SHROOM3: variants seen among roughly 807,000 people sequenced by gnomAD.
SHROOM3 encodes the protein shroom family member 3.
Under a neutral mutation model 138.6 loss-of-function variants are expected in SHROOM3, and 47 were observed. The observed-to-expected ratio is 0.34, with a 90% CI of 0.27 to 0.43. SHROOM3 has a LOEUF of 0.43. Among genes scored for constraint, SHROOM3 ranks in the 20% least tolerant of loss-of-function variants. SHROOM3 has a pLI of 1.00. For synonymous variants in SHROOM3, 1,062 were observed against 1,063.3 expected (o/e 1.00, Z 0.02); for missense variants, 2,491 against 2,596.5 (o/e 0.96, Z 0.88).
intron 2 of SHROOM3, among the ~76,000 whole-genome samples, chr4:76,686,078 G>A (rs1719327455): frequency 6.6e-6 from 1 of 152,064 alleles, no homozygotes; most frequent in East Asian, 1.9e-4. Flanking sequence ...CACAACCCTA[G>A]CTCACTGCAG....
At position 76,737,479 on chromosome 4, in the gene SHROOM3, T is replaced by G. The variant is rs530068169; in HGVS notation, c.588-1282T>G. 2.0e-5 allele frequency among the ~76,000 whole-genome samples: 3 copies of G among 152,196 alleles called. No individual in the cohort carries two copies. In the East Asian group the frequency reaches 5.8e-4, roughly 29 times the overall value. ...ATCACTGGATCTTATGGTAAGAGTA[T>G]GTTTAATTTTGTAAGAAACTGCCAA... On this transcript the variant is annotated intron_variant, in intron 4 of 10. Transcript: ENST00000296043.
chr4:76,741,342 C>A lies in SHROOM3; in HGVS notation c.3169C>A (p.Arg1057=). 6.2e-7 allele frequency: 1 copy of A among 1,610,468 alleles called. No individual in the cohort carries two copies. The highest frequency in any genetic ancestry group is 1.3e-5 in the African/African-American group (1 of 75,028). Residue 1057 remains arginine (R), a synonymous_variant, in exon 5 of 11, where the codon CGG becomes AGG. Coordinates refer to ENST00000296043, the MANE Select transcript of SHROOM3 (RefSeq NM_020859.4). The surrounding 1 kb of genome is among the most constrained non-coding windows in gnomAD (Gnocchi z 6.2). ...TTTCCCGGAGAGCAGCGTGGCCGACCGGCGCCGTCTCTTCGAGCGCGATGG... is the reference window on the plus strand; with the variant it reads ...TTTCCCGGAGAGCAGCGTGGCCGACAGGCGCCGTCTCTTCGAGCGCGATGG... ...MRFPESSVAD[R]RRLFERDGKA...
At chr4:76,736,352 G>C (rs370102464) in intron 4 of SHROOM3, among the ~76,000 whole-genome samples, 1 of 152,074 alleles carries the variant, frequency 6.6e-6, no homozygotes, top group African/African-American at 2.4e-5. Context: ...TATCTGTCCC[G>C]AAGTAGGATG....
At chr4:76,660,562 G>A (rs1467883575) in intron 2 of SHROOM3, among the ~76,000 whole-genome samples, 4 of 151,972 alleles carry the variant, frequency 2.6e-5, no homozygotes, top group Middle Eastern at 3.2e-3. Flanking sequence ...TGCAACCTCC[G>A]CCTCCCAGAT....
chr4:76,730,935 G>C lies in SHROOM3; in HGVS notation c.587G>C (p.Ser196Thr), dbSNP rs1416670076. The change falls in exon 4 of 11, where the codon AGC becomes ACC. Residue 196 changes from serine (S) to threonine (T), a missense_variant and splice_region_variant. Ser to Thr is a moderately conservative substitution (Grantham distance 58, BLOSUM62 1). Coordinates refer to ENST00000296043, the MANE Select transcript of SHROOM3 (RefSeq NM_020859.4). ...GPPWHQSYHSSSSTSDLSNYD... is the reference protein window; with the variant it reads ...GPPWHQSYHSTSSTSDLSNYD... Reference sequence around the variant, plus strand: ...CCTTGGCACCAAAGCTACCATTCCAGGTAAGTGGCTATAGCTGAGACTGAA... The same window carrying C: ...CCTTGGCACCAAAGCTACCATTCCACGTAAGTGGCTATAGCTGAGACTGAA... The C allele has an allele frequency of 6.2e-7, 1 of 1,613,976 alleles. No homozygotes were observed. Among genetic ancestry groups the C allele is most frequent in the South Asian group, 1.1e-5 (1 of 91,058 alleles).
Position 76,515,736 on chromosome 4 carries a change from C to T in SHROOM3, c.169-39873C>T, listed in dbSNP as rs898146888. Among the ~76,000 whole-genome samples the T allele has an allele frequency of 4.6e-5, 7 of 152,058 alleles. No individual in the cohort carries two copies. In the East Asian group the frequency reaches 5.8e-4, roughly 13 times the overall value. Reference sequence around the variant, plus strand: ...GTCTAAAAACCATATAAACTCAAGCCGAGACTTGTCTGGGTGTAGACTTCC... The same window carrying T: ...GTCTAAAAACCATATAAACTCAAGCTGAGACTTGTCTGGGTGTAGACTTCC... On this transcript the variant is annotated intron_variant, in intron 1 of 10. Transcript: ENST00000296043.
At chr4:76,698,262 G>A (rs1031718723) in intron 2 of SHROOM3, among the ~76,000 whole-genome samples, 4 of 152,058 alleles carry the variant, frequency 2.6e-5, no homozygotes. Context: ...AATGCATTTG[G>A]CATGAGCTTA....
chr4:76,440,208 C>G lies in SHROOM3; in HGVS notation c.168+3988C>G, dbSNP rs145846509. 2.2e-3 allele frequency among the ~76,000 whole-genome samples: 330 copies of G among 152,320 alleles called. 11 individuals are homozygous for G. The East Asian group carries it at 0.054, about 25-fold the overall frequency. ...ATTCCAAGAGATCTACGTGTTCACC[C>G]ATTTAATTTCCACAACTTCACAGAG... On this transcript the variant is annotated intron_variant, in intron 1 of 10. Coordinates refer to ENST00000296043, the MANE Select transcript of SHROOM3 (RefSeq NM_020859.4).
chr4:76,507,683 C>T (rs898046975), intron 1 of SHROOM3, among the ~76,000 whole-genome samples: 4 of 151,854 alleles, frequency 2.6e-5, no homozygotes, highest in East Asian at 1.9e-4. Context: ...GGACTACAGG[C>T]GCCCGCCACC....
intron 1 of SHROOM3, among the ~76,000 whole-genome samples, chr4:76,496,845 T>G (rs1271460474): frequency 6.6e-6 from 1 of 152,222 alleles, no homozygotes; most frequent in African/African-American, 2.4e-5. Flanking sequence ...AGTCCACTTC[T>G]GTATTATATA....
chr4:76,703,889 T>C (rs967119640), intron 2 of SHROOM3, among the ~76,000 whole-genome samples: 2 of 152,182 alleles, frequency 1.3e-5, no homozygotes, highest in Non-Finnish European at 2.9e-5. Context: ...AGCATTCTGA[T>C]TGCCTCCAAA....
chr4:76,615,054 A>G (rs1433588839), intron 2 of SHROOM3, among the ~76,000 whole-genome samples: 4 of 152,204 alleles, frequency 2.6e-5, no homozygotes, highest in Admixed American at 2.6e-4. Flanking sequence ...CAGGGTGCAG[A>G]GGAGGAAGCT....
intron 9 of SHROOM3, among the ~76,000 whole-genome samples, chr4:76,769,123 T>G (rs886123601): frequency 6.6e-6 from 1 of 151,906 alleles, no homozygotes; most frequent in African/African-American, 2.4e-5. Context: ...TGTGTGTGTT[T>G]TTTTTTTCCT....
At chr4:76,764,953 T>C (rs1167002620) in intron 9 of SHROOM3, among the ~76,000 whole-genome samples, 1 of 152,152 alleles carries the variant, frequency 6.6e-6, no homozygotes, top group African/African-American at 2.4e-5. Context: ...TCCAGGACTT[T>C]AGTGACTAGT....
At chr4:76,613,661 C>T (rs771866110) in intron 2 of SHROOM3, among the ~76,000 whole-genome samples, 1 of 152,164 alleles carries the variant, frequency 6.6e-6, no homozygotes, top group Non-Finnish European at 1.5e-5. Flanking sequence ...CATTCGACTC[C>T]TCTTGTTATA....
chr4:76,463,651 G>A (rs1731187726), intron 1 of SHROOM3, among the ~76,000 whole-genome samples: 1 of 152,220 alleles, frequency 6.6e-6, no homozygotes, highest in Non-Finnish European at 1.5e-5. Flanking sequence ...GTCCTAGAAG[G>A]AGAAAATGGT....
In SHROOM3 at chr4:76,782,971, G is replaced by A. The variant is rs1044830687; in HGVS notation, c.*3794G>A. The A allele has an allele frequency of 6.6e-6, 1 of 152,152 alleles. No homozygotes were observed. The highest frequency in any genetic ancestry group is 1.5e-5 in the Non-Finnish European group (1 of 68,026). 9.4% of individuals were successfully genotyped at this position (152,152 alleles called of 1,614,324 possible). ...AGAAACTAAATAATGGTTTCTCAAA[G>A]TGTGGTCAGGATACGATCTGCATCA... On this transcript the variant is annotated 3_prime_UTR_variant, in exon 11 of 11. Coordinates refer to ENST00000296043, the MANE Select transcript of SHROOM3 (RefSeq NM_020859.4).
intron 4 of SHROOM3, among the ~76,000 whole-genome samples, chr4:76,732,157 C>T (rs569974980): frequency 6.6e-6 from 1 of 152,310 alleles, no homozygotes; most frequent in African/African-American, 2.4e-5. Flanking sequence ...TAGCTTATCA[C>T]TTTTGGGAAA....
At chr4:76,679,432 T>C (rs1719129100) in intron 2 of SHROOM3, among the ~76,000 whole-genome samples, 1 of 152,238 alleles carries the variant, frequency 6.6e-6, no homozygotes, top group South Asian at 2.1e-4. Context: ...TTTGTTAAAA[T>C]ACAAGTTGTA....
Sources: gnomAD v4.1 joint callset for allele counts (sites outside exome capture counted in the v4.1 genomes callset) on GRCh38, gnomAD v4.1.1 for gene constraint, Gnocchi (gnomAD v3.1) non-coding constraint, MANE v1.5 for transcripts, NCBI Gene and HGNC (gene_info 2026-07-23, HGNC 2026-07-21) for gene names.